The following GPC5 variants were observed in gnomAD, a reference collection of about 807,000 sequenced individuals.
GPC5 encodes the protein glypican-5.
Under a neutral mutation model 53.9 loss-of-function variants are expected in GPC5, and 47 were observed. The observed-to-expected ratio is 0.87, with a 90% CI of 0.69 to 1.11. The LOEUF (loss-of-function observed/expected upper bound fraction) is 1.11, where lower values mean the gene tolerates loss of function less well. Ranked by LOEUF, GPC5 falls within the 50% of genes most tolerant of loss-of-function variation. The probability of loss-of-function intolerance (pLI) is 0.00; values close to 1 mark genes in which losing one functional copy is unlikely to be tolerated. For synonymous variants in GPC5, 286 were observed against 263.3 expected, an observed-to-expected ratio of 1.09 and a Z score of -0.84; for missense variants, 748 against 713.1, an observed-to-expected ratio of 1.05 and a Z score of -0.56.
intron 7 of GPC5, among the ~76,000 whole-genome samples, chr13:92,350,341 T>C (rs1257600002): frequency 6.6e-6 from 1 of 152,148 alleles, no homozygotes; most frequent in Non-Finnish European, 1.5e-5. Context: ...GGATGTCCAC[T>C]TTCACCACTC....
intron 5 of GPC5, among the ~76,000 whole-genome samples, chr13:91,822,047 G>T (rs1263857859): frequency 1.3e-5 from 2 of 152,172 alleles, no homozygotes; most frequent in African/African-American, 4.8e-5. Flanking sequence ...CATTGTCAGA[G>T]CTCTGACTAC....
At chr13:92,023,843 C>T (rs1034120048) in intron 6 of GPC5, among the ~76,000 whole-genome samples, 3 of 151,888 alleles carry the variant, frequency 2.0e-5, no homozygotes, top group African/African-American at 7.2e-5. Context: ...AAAATTATTC[C>T]CAAGACTTGT....
Position 92,457,938 on chromosome 13 carries a change from G to C in GPC5, c.1561+312949G>C, listed in dbSNP as rs902745636. Among the ~76,000 whole-genome samples, 4 of 152,120 alleles carry C rather than the reference G, an allele frequency of 2.6e-5. No individual in the cohort carries two copies. In the East Asian group the frequency reaches 7.7e-4, roughly 29 times the overall value. Reference sequence around the variant, plus strand: ...CTGACTATTGCTTCCTCTCTGTCCTGCGTTGTACCTACACGTGTATTGTCC... The same window carrying C: ...CTGACTATTGCTTCCTCTCTGTCCTCCGTTGTACCTACACGTGTATTGTCC... On this transcript the variant is annotated intron_variant, in intron 7 of 7. Transcript: ENST00000377067.
intron 7 of GPC5, among the ~76,000 whole-genome samples, chr13:92,542,159 C>T (rs1881951596): frequency 6.6e-6 from 1 of 151,998 alleles, no homozygotes; most frequent in Non-Finnish European, 1.5e-5. Flanking sequence ...TCCATCACCT[C>T]ATACATTTAT....
intron 6 of GPC5, among the ~76,000 whole-genome samples, chr13:91,932,868 C>T (rs919387272): frequency 6.6e-6 from 1 of 151,902 alleles, no homozygotes; most frequent in Admixed American, 6.6e-5. Flanking sequence ...ATTCCAACGA[C>T]ACCAAAATAG....
chr13:91,756,075 GA>G (rs34332161), intron 4 of GPC5, among the ~76,000 whole-genome samples: 8 of 140,726 alleles, frequency 5.7e-5, no homozygotes, highest in African/African-American at 1.6e-4. Flanking sequence ...CTTTTTTTTT[GA>G]AAAAAAAAAA....
At chr13:92,744,111 T>A (rs1889180470) in intron 7 of GPC5, among the ~76,000 whole-genome samples, 1 of 152,036 alleles carries the variant, frequency 6.6e-6, no homozygotes, top group African/African-American at 2.4e-5. Context: ...CTCCTCTAGA[T>A]TACTGGCAGT....
intron 7 of GPC5, among the ~76,000 whole-genome samples, chr13:92,167,151 A>G (rs1034879506): frequency 6.6e-6 from 1 of 152,164 alleles, no homozygotes; most frequent in Non-Finnish European, 1.5e-5. Context: ...CTAAGACCCT[A>G]AAATATTGAT....
intron 1 of GPC5, among the ~76,000 whole-genome samples, chr13:91,436,045 AT>A (rs773823304): frequency 6.6e-6 from 1 of 152,108 alleles, no homozygotes; most frequent in Non-Finnish European, 1.5e-5. Context: ...CCCCTTTATC[AT>A]TTTTTATGTG....
In GPC5 at chr13:91,559,282, A is replaced by G. The variant is rs2031127190; in HGVS notation, c.325+110360A>G. Among the ~76,000 whole-genome samples the G allele has an allele frequency of 2.0e-5, 3 of 152,144 alleles. No homozygotes were observed. The South Asian group carries it at 6.2e-4, about 31-fold the overall frequency. On this transcript the variant is annotated intron_variant, in intron 2 of 7. Coordinates refer to ENST00000377067, the MANE Select transcript of GPC5 (RefSeq NM_004466.6). Reference sequence around the variant, plus strand: ...ACAGTGCTATTGCATTGAACATTATAGCAGCAATGATGGCTACAAGATGTA... The same window carrying G: ...ACAGTGCTATTGCATTGAACATTATGGCAGCAATGATGGCTACAAGATGTA...
At chr13:92,032,035 A>C (rs2040856195) in intron 6 of GPC5, among the ~76,000 whole-genome samples, 1 of 136,068 alleles carries the variant, frequency 7.3e-6, no homozygotes, top group Non-Finnish European at 1.5e-5. Flanking sequence ...AAAATATATA[A>C]AAATTTATAT....
chr13:92,844,576 T>C (rs1017962878), intron 7 of GPC5, among the ~76,000 whole-genome samples: 1 of 152,024 alleles, frequency 6.6e-6, no homozygotes, highest in African/African-American at 2.4e-5. Flanking sequence ...GTCCCTGCTT[T>C]TGTGTATTTA....
intron 7 of GPC5, chr13:92,448,591 T>A (rs1426905661): frequency 6.6e-6 from 1 of 152,098 alleles, no homozygotes; most frequent in African/African-American, 2.4e-5. Context: ...TATCAATAAT[T>A]TAAAACTTAT....
chr13:92,367,503 T>C (rs775142828), intron 7 of GPC5, among the ~76,000 whole-genome samples: 8 of 152,230 alleles, frequency 5.3e-5, no homozygotes, highest in Admixed American at 6.5e-5. Flanking sequence ...TGCCATTTTT[T>C]ACCTGTTTCA....
chr13:92,714,003 A>ACTT (rs1416191504), intron 7 of GPC5, among the ~76,000 whole-genome samples: 3 of 152,122 alleles, frequency 2.0e-5, no homozygotes. Flanking sequence ...TTAACAAATG[A>ACTT]CTTCTGTCTT....
At chr13:92,095,635 A>G (rs897262150) in intron 6 of GPC5, among the ~76,000 whole-genome samples, 1 of 152,156 alleles carries the variant, frequency 6.6e-6, no homozygotes, top group African/African-American at 2.4e-5. Flanking sequence ...CCTGGGTTCA[A>G]GCGATTCTAC....
chr13:92,118,191 T>C (rs2041616145), intron 6 of GPC5, among the ~76,000 whole-genome samples: 1 of 152,204 alleles, frequency 6.6e-6, no homozygotes, highest in Non-Finnish European at 1.5e-5. Context: ...TTTTGTCAAA[T>C]GCTTTTGCTG....
chr13:91,650,258 C>T (rs546879841), intron 2 of GPC5, among the ~76,000 whole-genome samples: 2 of 152,232 alleles, frequency 1.3e-5, no homozygotes, highest in South Asian at 4.1e-4. Context: ...TGTCATCCTA[C>T]CCTTCATCAA....
intron 7 of GPC5, among the ~76,000 whole-genome samples, chr13:92,412,155 G>A (rs991388869): frequency 1.2e-4 from 19 of 152,166 alleles, no homozygotes; most frequent in African/African-American, 4.3e-4. Flanking sequence ...TGTGAGAATA[G>A]TTGAAAAAAC....
Sources: allele counts gnomAD v4.1 joint callset (sites outside exome capture counted in the v4.1 genomes callset), GRCh38; gene constraint gnomAD v4.1.1; transcripts MANE v1.5; gene names NCBI Gene and HGNC (gene_info 2026-07-23, HGNC 2026-07-21).